FREM3: variants seen among roughly 807,000 people sequenced by gnomAD.
The protein encoded by FREM3 is FRAS1-related extracellular matrix protein 3.
Under a neutral mutation model 129.1 loss-of-function variants are expected in FREM3, and 105 were observed. The ratio of observed to expected loss-of-function variants is 0.81; its 90% CI spans 0.69 to 0.96. The LOEUF is 0.96. Among genes scored for constraint, FREM3 ranks in the 40% least tolerant of loss-of-function variants. The pLI is 0.00. For synonymous variants in FREM3, 1,014 were observed against 1,044.9 expected (o/e 0.97, Z 0.57); for missense variants, 2,593 against 2,666.3 (o/e 0.97, Z 0.61).
rs529745998 is a variant in FREM3 at position 143,657,268 on chromosome 4, T to G, written c.5276-29508A>C. On this transcript the variant is annotated intron_variant, in intron 2 of 7. Coordinates refer to ENST00000329798, the MANE Select transcript of FREM3 (RefSeq NM_001168235.2). ...GTTTCTCAGAAAGCCTAAGCTTTCT[T>G]TTCTCCATAAAGTAGGTTAATGGTG... Among the ~76,000 whole-genome samples the G allele has an allele frequency of 6.6e-5, 10 of 152,360 alleles. No homozygotes were observed. In the South Asian group the frequency reaches 1.7e-3, roughly 25 times the overall value.
intron 2 of FREM3, among the ~76,000 whole-genome samples, chr4:143,658,941 G>GT (rs1390496343): frequency 6.6e-6 from 1 of 151,366 alleles, no homozygotes; most frequent in Non-Finnish European, 1.5e-5. Context: ...TGCTTTTGCT[G>GT]TTTCTCCCTT....
At chr4:143,661,889 A>G (rs1330816050) in intron 2 of FREM3, among the ~76,000 whole-genome samples, 3 of 152,134 alleles carry the variant, frequency 2.0e-5, no homozygotes, top group Non-Finnish European at 4.4e-5. Context: ...AGGTGTTTGT[A>G]GTATTCTCTG....
At chr4:143,613,600 A>C (rs1397519681) in intron 5 of FREM3, among the ~76,000 whole-genome samples, 12 of 152,236 alleles carry the variant, frequency 7.9e-5, no homozygotes, top group African/African-American at 2.9e-4. Flanking sequence ...AGACAAAGGA[A>C]AAAAGGTCTT....
intron 6 of FREM3, 130 bp downstream of exon 6, chr4:143,611,149 T>C (rs1262301417): frequency 9.9e-7 from 1 of 1,012,240 alleles, no homozygotes; most frequent in East Asian, 2.6e-5. Context: ...CTACTCACAG[T>C]TTTTGGAGAT....
intron 6 of FREM3, among the ~76,000 whole-genome samples, chr4:143,602,588 T>C (rs1578830394): frequency 1.3e-5 from 2 of 152,196 alleles, no homozygotes; most frequent in Admixed American, 1.3e-4. Flanking sequence ...ATACCTGCTC[T>C]GAAATATCAT....
In FREM3 at chr4:143,577,662, G is replaced by T; in HGVS notation, c.6369C>A (p.Ile2123=). The change falls in exon 8 of 8, where the codon ATC becomes ATA. Residue 2123 remains isoleucine, a synonymous_variant. Transcript: ENST00000329798. ...LGEPNKTTIF[I]EDTITDCKQS... ...GCTTACAGTCCGTGATGGTGTCCTC[G>T]ATGAAAATGGTAGTTTTATTTGGTT... is the stretch of plus-strand genomic sequence containing the variant. 6.5e-7 allele frequency: 1 copy of T among 1,537,222 alleles called. No homozygotes were observed. The highest frequency in any genetic ancestry group is 8.7e-7 in the Non-Finnish European group (1 of 1,146,858).
intron 2 of FREM3, among the ~76,000 whole-genome samples, chr4:143,689,888 G>T (rs915785889): frequency 7.2e-6 from 1 of 138,714 alleles, no homozygotes; most frequent in Admixed American, 7.2e-5. Flanking sequence ...GGGGGGAAGA[G>T]TGGGAGGGGG....
intron 2 of FREM3, among the ~76,000 whole-genome samples, chr4:143,666,889 TACC>T (rs1356719905): frequency 1.3e-5 from 2 of 152,142 alleles, no homozygotes; most frequent in Non-Finnish European, 2.9e-5. Flanking sequence ...ATATATATTT[TACC>T]ACAATGTAAA....
At chr4:143,648,334 G>C (rs940196117) in intron 2 of FREM3, among the ~76,000 whole-genome samples, 2 of 152,170 alleles carry the variant, frequency 1.3e-5, no homozygotes, top group African/African-American at 4.8e-5. Flanking sequence ...GGTTAATTCT[G>C]GAATGAGTTA....
chr4:143,579,770 C>T (rs1738100363), intron 7 of FREM3, among the ~76,000 whole-genome samples: 1 of 152,144 alleles, frequency 6.6e-6, no homozygotes, highest in Non-Finnish European at 1.5e-5. Context: ...TACATATATA[C>T]ATAAGATTAA....
At chr4:143,611,041 T>C (rs183399166) in intron 6 of FREM3, among the ~76,000 whole-genome samples, 32 of 147,086 alleles carry the variant, frequency 2.2e-4, no homozygotes, top group Admixed American at 3.9e-4. Flanking sequence ...CCTTGGGCTG[T>C]GCTTTTTCTT....
At chr4:143,632,696 T>C (rs577532770) in intron 2 of FREM3, among the ~76,000 whole-genome samples, 36 of 152,074 alleles carry the variant, frequency 2.4e-4, no homozygotes, top group Non-Finnish European at 4.1e-4. Context: ...ATTTGATGAG[T>C]CCCTCACCTA....
In FREM3 at chr4:143,697,183, G is replaced by T. The variant is rs777035403; in HGVS notation, c.3493C>A (p.Gln1165Lys). The change falls in exon 1 of 8, where the codon CAA becomes AAA. Residue 1165 changes from glutamine to lysine, a missense_variant. By Grantham distance (53) the Gln-to-Lys change is moderately conservative. Coordinates refer to ENST00000329798, the MANE Select transcript of FREM3 (RefSeq NM_001168235.2). The part of the protein sequence containing the change: ...IHKGVEPQED[Q>K]FTFYCSDGIN... ...CCATCAGAGCAATAAAAGGTGAATT[G>T]GTCCTCTTGTGGCTCTACTCCCTTG... The T allele has an allele frequency of 3.3e-5, 51 of 1,537,832 alleles. 2 individuals are homozygous for T. The South Asian group carries it at 5.9e-4, about 18-fold the overall frequency.
intron 2 of FREM3, among the ~76,000 whole-genome samples, chr4:143,628,187 G>T (rs1739078060): frequency 6.6e-6 from 1 of 151,930 alleles, no homozygotes; most frequent in South Asian, 2.1e-4. Flanking sequence ...TCTCATATTA[G>T]TCTGGAAGTT....
Position 143,699,333 on chromosome 4 carries a change from G to T in FREM3, c.1343C>A (p.Ser448Ter). Residue 448 changes from serine to a stop codon, truncating the protein, a stop_gained, in exon 1 of 8, where the codon TCA (serine) becomes TAA (stop). Coordinates refer to ENST00000329798, the MANE Select transcript of FREM3 (RefSeq NM_001168235.2). LOFTEE classifies it high-confidence loss of function. The surrounding 1 kb of genome is among the most constrained non-coding windows in gnomAD (Gnocchi z 4.2). ...GCTGTGGGTGCTGGACAAGGGCCTT[G>T]ACTGACCTTCAAAAAGCACAAGTCC... ...NRGLVLFEGQ[S>*]RPLSSTHSIP... 6.5e-7 allele frequency: 1 copy of T among 1,537,340 alleles called. No homozygotes were observed. Among genetic ancestry groups the T allele is most frequent in the South Asian group, 1.2e-5 (1 of 84,050 alleles).
rs1740602502 is a variant in FREM3 at position 143,697,700 on chromosome 4, G to T, written c.2976C>A (p.Pro992=). The change falls in exon 1 of 8, where the codon CCC becomes CCA. Residue 992 remains proline (P), a synonymous_variant. Coordinates refer to ENST00000329798, the MANE Select transcript of FREM3 (RefSeq NM_001168235.2). ...LMLSFIVKDS[P]KLGTILVNGL... ...CATTTACCAGAATAGTGCCCAGTTT[G>T]GGGCTGTCCTTTACAATGAAAGACA... The T allele has an allele frequency of 6.5e-7, 1 of 1,537,750 alleles. No homozygotes were observed. Among genetic ancestry groups the T allele is most frequent in the Non-Finnish European group, 8.7e-7 (1 of 1,147,020 alleles).
rs1253456846 is a variant in FREM3 at position 143,696,413 on chromosome 4, G to C, written c.4263C>G (p.Asn1421Lys). 1 of 1,537,448 alleles carries C rather than the reference G, an allele frequency of 6.5e-7. No individual in the cohort carries two copies. Among genetic ancestry groups the C allele is most frequent in the Non-Finnish European group, 8.7e-7 (1 of 1,146,980 alleles). Residue 1421 changes from asparagine (N) to lysine (K), a missense_variant, in exon 1 of 8, where the codon AAC (asparagine) becomes AAG (lysine). Around this residue, in one of 2 missense-constraint regions of FREM3, gnomAD observed 2,276 missense variants for 2,267.2 expected, o/e 1.00. Coordinates refer to ENST00000329798, the MANE Select transcript of FREM3 (RefSeq NM_001168235.2). ...TTACCTCAGGGAAGACGCTGTCTAA[G>C]TTGCCAATGGTGACATAGAAGTAGT... Reference protein sequence around the residue: ...TDHYFYVTIGNLDSVFPEVIS... With the variant: ...TDHYFYVTIGKLDSVFPEVIS...
At chr4:143,663,881 T>A (rs1674570458) in intron 2 of FREM3, among the ~76,000 whole-genome samples, 1 of 152,136 alleles carries the variant, frequency 6.6e-6, no homozygotes, top group African/African-American at 2.4e-5. Flanking sequence ...TCGCATCGGC[T>A]CCTGAGGCTT....
At chr4:143,607,971 C>A (rs1460660733) in intron 6 of FREM3, among the ~76,000 whole-genome samples, 1 of 152,064 alleles carries the variant, frequency 6.6e-6, no homozygotes, top group Non-Finnish European at 1.5e-5. Context: ...GGCTTGTGGC[C>A]CTTTCCTCCA....
Sources: allele counts gnomAD v4.1 joint callset (sites outside exome capture counted in the v4.1 genomes callset), GRCh38; gene constraint gnomAD v4.1.1; regional missense constraint gnomAD v4.1.1; non-coding constraint Gnocchi (gnomAD v3.1); transcripts MANE v1.5; gene names NCBI Gene and HGNC (gene_info 2026-07-23, HGNC 2026-07-21).